The following CDH19 variants were observed in gnomAD, a reference collection of about 807,000 sequenced individuals.
The protein encoded by CDH19 is cadherin 19, also known as cadherin-19.
CDH19 carries 67 observed loss-of-function variants against 64.2 expected under a neutral mutation model. The ratio of observed to expected loss-of-function variants is 1.04; its 90% CI spans 0.86 to 1.28. The LOEUF (loss-of-function observed/expected upper bound fraction) is 1.28. CDH19 is among the 50% of genes most tolerant of loss of function. CDH19 has a pLI of 0.00. For synonymous variants in CDH19, 346 were observed against 319.3 expected, an observed-to-expected ratio of 1.08 and a Z score of -0.89; for missense variants, 1,030 against 929.0, an observed-to-expected ratio of 1.11 and a Z score of -1.41.
chr18:66,570,515 C>T (rs907632956), intron 2 of CDH19, among the ~76,000 whole-genome samples: 6 of 151,584 alleles, frequency 4.0e-5, no homozygotes, highest in African/African-American at 7.3e-5. Context: ...ATTGTACTTC[C>T]CAATCTTAAT....
chr18:66,603,473 A>G (rs1163928257), intron 1 of CDH19, among the ~76,000 whole-genome samples: 2 of 150,170 alleles, frequency 1.3e-5, no homozygotes, highest in Non-Finnish European at 1.5e-5. Flanking sequence ...TGGAATTATA[A>G]TATACTTAAA....
chr18:66,520,927 G>C (rs1447629398), intron 9 of CDH19, among the ~76,000 whole-genome samples: 1 of 151,974 alleles, frequency 6.6e-6, no homozygotes, highest in Admixed American at 6.5e-5. Flanking sequence ...ATTAATCTAG[G>C]AGGTACTTTG....
At chr18:66,517,637 A>G (rs1985795357) in intron 9 of CDH19, among the ~76,000 whole-genome samples, 1 of 151,984 alleles carries the variant, frequency 6.6e-6, no homozygotes, top group Non-Finnish European at 1.5e-5. Flanking sequence ...TTTATTTTCT[A>G]TGATCAATTT....
Position 66,583,012 on chromosome 18 carries a change from C to T in CDH19, c.-112-10696G>A, listed in dbSNP as rs73968930. Among the ~76,000 whole-genome samples the T allele has an allele frequency of 8.0e-3, 1,215 of 152,216 alleles. 16 individuals carry two copies. The highest frequency in any genetic ancestry group is 0.028 in the African/African-American group (1,154 of 41,564). ...GTATTTCACTTTTTATTCCCCTCCA[C>T]AAACTATCAGACCATGATTTGCCCT... On this transcript the variant is annotated intron_variant, in intron 1 of 11. Coordinates refer to ENST00000262150, the MANE Select transcript of CDH19 (RefSeq NM_021153.4).
intron 9 of CDH19, among the ~76,000 whole-genome samples, chr18:66,527,764 A>ATG (rs1287046828): frequency 6.6e-6 from 1 of 151,904 alleles, no homozygotes; most frequent in Non-Finnish European, 1.5e-5. Context: ...ATATATATAT[A>ATG]TAAAAAACAG....
At chr18:66,559,645 A>G (rs1987646554) in intron 3 of CDH19, among the ~76,000 whole-genome samples, 1 of 150,640 alleles carries the variant, frequency 6.6e-6, no homozygotes, top group African/African-American at 2.4e-5. Flanking sequence ...AGGGACACAA[A>G]TGTTATATAA....
rs760579399 is a variant in CDH19 at position 66,511,528 on chromosome 18, C to T, written c.1576+40G>A. On this transcript the variant is annotated intron_variant, in intron 10 of 11. Transcript: ENST00000262150. Reference sequence around the variant, plus strand: ...TTCCATTAAAGTCTAACATGAGTCACAAAAATGTATCAAAACTCATTATGA... The same window carrying T: ...TTCCATTAAAGTCTAACATGAGTCATAAAAATGTATCAAAACTCATTATGA... The T allele has an allele frequency of 4.6e-6, 4 of 869,030 alleles. No individual in the cohort carries two copies. In the East Asian group the frequency reaches 7.4e-5, roughly 16 times the overall value. The allele number at this position is 869,030 out of a possible 1,614,324, so 53.8% of individuals were successfully genotyped here.
At chr18:66,551,920 A>G (rs1032066492) in intron 4 of CDH19, among the ~76,000 whole-genome samples, 3 of 152,062 alleles carry the variant, frequency 2.0e-5, no homozygotes, top group Non-Finnish European at 4.4e-5. Context: ...ACATTTCTAA[A>G]GATTTGGGGA....
intron 4 of CDH19, among the ~76,000 whole-genome samples, chr18:66,552,850 T>C (rs1181137762): frequency 2.2e-5 from 3 of 133,724 alleles, no homozygotes. Flanking sequence ...TGACCCAGCA[T>C]GGGTTTGTAC....
intron 1 of CDH19, among the ~76,000 whole-genome samples, chr18:66,582,251 G>T (rs1169704819): frequency 1.3e-5 from 2 of 151,994 alleles, no homozygotes; most frequent in African/African-American, 4.8e-5. Flanking sequence ...AAAAAAATAA[G>T]TCAGAATGAT....
intron 1 of CDH19, among the ~76,000 whole-genome samples, chr18:66,589,060 T>G (rs1988665790): frequency 6.6e-6 from 1 of 151,808 alleles, no homozygotes; most frequent in Admixed American, 6.6e-5. Flanking sequence ...AAATAAATCA[T>G]GATGGTTTAA....
Position 66,502,451 on chromosome 18 carries a change from T to C in CDH19, c.*2361A>G, listed in dbSNP as rs1456309490. 6.6e-6 allele frequency: 1 copy of C among 152,050 alleles called. No individual in the cohort carries two copies. Among genetic ancestry groups the C allele is most frequent in the Non-Finnish European group, 1.5e-5 (1 of 67,944 alleles). The allele number at this position is 152,050 out of a possible 1,614,324, so 9.4% of individuals were successfully genotyped here. The stretch of plus-strand genomic sequence containing the variant: ...TTTATCCAAATGTATTCATTGTTTA[T>C]AAGGCTTTTATTCATACAAAATTTC... On this transcript the variant is annotated 3_prime_UTR_variant, in exon 12 of 12. Transcript: ENST00000262150.
intron 5 of CDH19, among the ~76,000 whole-genome samples, chr18:66,550,215 C>G (rs1599006447): frequency 6.6e-6 from 1 of 151,990 alleles, no homozygotes; most frequent in East Asian, 1.9e-4. Context: ...AAATAAATTT[C>G]CTAGAAAAGA....
intron 1 of CDH19, among the ~76,000 whole-genome samples, chr18:66,589,519 G>C (rs887720573): frequency 6.6e-6 from 1 of 151,878 alleles, no homozygotes; most frequent in African/African-American, 2.4e-5. Flanking sequence ...ATAATACCTA[G>C]ACAAACATAT....
In CDH19 at chr18:66,537,772, C is replaced by T. The variant is rs147966504; in HGVS notation, c.1215-2665G>A. ...GGAGAGTAGTATTAGAAAGCAAGAT[C>T]TAGGTATTAAGAGTTCCCATTGCTT... On this transcript the variant is annotated intron_variant, in intron 7 of 11. Transcript: ENST00000262150. 6.8e-3 allele frequency among the ~76,000 whole-genome samples: 1,035 copies of T among 152,086 alleles called. 12 individuals are homozygous for T. The highest frequency in any genetic ancestry group is 0.024 in the African/African-American group (981 of 41,528).
intron 1 of CDH19, among the ~76,000 whole-genome samples, chr18:66,603,254 A>C (rs1989081426): frequency 6.6e-6 from 1 of 150,820 alleles, no homozygotes; most frequent in Admixed American, 6.6e-5. Flanking sequence ...AATTGCATGT[A>C]CCAAATTAGA....
chr18:66,505,364 C>A, intron 11 of CDH19, 62 bp from the exon 12 acceptor site: 1 of 1,259,996 alleles, frequency 7.9e-7, no homozygotes, highest in Non-Finnish European at 1.1e-6. Context: ...ACATTACAGT[C>A]TTTGCTCTCA....
At chr18:66,515,244 G>C (rs1380331640) in intron 9 of CDH19, among the ~76,000 whole-genome samples, 4 of 151,572 alleles carry the variant, frequency 2.6e-5, no homozygotes, top group Non-Finnish European at 4.4e-5. Flanking sequence ...CCTTGTATTA[G>C]GCTAAAGATG....
intron 8 of CDH19, 35 bp from the exon 9 acceptor site, chr18:66,530,001 T>A: frequency 9.6e-7 from 1 of 1,038,226 alleles, no homozygotes; most frequent in Non-Finnish European, 1.3e-6. Context: ...AAATCTAACA[T>A]ATTTTAATAT....
Sources: gnomAD v4.1 joint callset for allele counts (sites outside exome capture counted in the v4.1 genomes callset) on GRCh38, gnomAD v4.1.1 for gene constraint, MANE v1.5 for transcripts, NCBI Gene and HGNC (gene_info 2026-07-23, HGNC 2026-07-21) for gene names.